Variants in CPA6 observed in about 807,000 individuals in gnomAD.
CPA6 encodes carboxypeptidase B.
In CPA6, 58 loss-of-function variants were observed where a neutral mutation model predicts 63.3. That is an observed-to-expected ratio of 0.92 (90% CI 0.74 to 1.14). The LOEUF (loss-of-function observed/expected upper bound fraction) is 1.14, where lower values mean the gene tolerates loss of function less well. Among genes scored for constraint, CPA6 ranks in the 50% most tolerant of loss-of-function variants. CPA6 has a pLI of 0.00. For missense variants in CPA6, 565 were observed against 526.6 expected (o/e 1.07, Z -0.71); for synonymous variants, 185 against 179.0 (o/e 1.03, Z -0.27).
At chr8:67,475,801 CTTT>C (rs1347045678) in intron 8 of CPA6, among the ~76,000 whole-genome samples, 1,121 of 57,608 alleles carry the variant, frequency 0.019, 36 homozygotes, top group Middle Eastern at 0.039. Flanking sequence ...TTCTTTCTTT[CTTT>C]CTTTCTTTCT....
chr8:67,619,293 T>G (rs1003537621), intron 2 of CPA6, among the ~76,000 whole-genome samples: 5 of 152,216 alleles, frequency 3.3e-5, no homozygotes, highest in African/African-American at 1.2e-4. Flanking sequence ...ACTGTGTGTG[T>G]GGGTTTTCTC....
chr8:67,435,416 G>T (rs1474352656), intron 8 of CPA6, among the ~76,000 whole-genome samples: 1 of 152,104 alleles, frequency 6.6e-6, no homozygotes, highest in African/African-American at 2.4e-5. Flanking sequence ...AAAGCCCACA[G>T]ATGTTGGGGG....
intron 1 of CPA6, among the ~76,000 whole-genome samples, chr8:67,729,408 A>G (rs998308455): frequency 2.6e-5 from 4 of 152,216 alleles, no homozygotes; most frequent in Non-Finnish European, 4.4e-5. Context: ...AAAAACTGTC[A>G]TATACTGGCA....
Position 67,422,545 on chromosome 8 carries a change from C to T in CPA6, c.1273G>A (p.Val425Met), listed in dbSNP as rs1388013902. The change falls in exon 11 of 11, where the codon GTG (valine) becomes ATG (methionine). Residue 425 changes from valine (V) to methionine (M), a missense_variant. Transcript: ENST00000297770. ...KPTCTETMLA[V>M]KNITMHLLKK... ...AGCAGGTGCATTGTGATATTTTTCA[C>T]AGCCAGCATAGTTTCTGTACAGGTG... is the stretch of plus-strand genomic sequence containing the variant. 2 of 1,613,936 alleles carry T rather than the reference C, an allele frequency of 1.2e-6. No homozygotes were observed. The highest frequency in any genetic ancestry group is 1.1e-5 in the South Asian group (1 of 91,074).
intron 2 of CPA6, among the ~76,000 whole-genome samples, chr8:67,595,257 G>T (rs1012881177): frequency 1.3e-5 from 2 of 152,206 alleles, no homozygotes; most frequent in Admixed American, 1.3e-4. Flanking sequence ...TCTCAGAGGA[G>T]TACCTGGCCG....
At chr8:67,666,632 C>A (rs2128993670) in intron 1 of CPA6, among the ~76,000 whole-genome samples, 1 of 152,276 alleles carries the variant, frequency 6.6e-6, no homozygotes, top group East Asian at 1.9e-4. Flanking sequence ...AGGAAAGCTC[C>A]AGGCAAGGTG....
intron 1 of CPA6, among the ~76,000 whole-genome samples, chr8:67,649,297 T>A (rs1387894363): frequency 6.6e-6 from 1 of 152,230 alleles, no homozygotes; most frequent in African/African-American, 2.4e-5. Flanking sequence ...TAATTAGGCA[T>A]ATCCAAATTA....
At chr8:67,480,133 C>T (rs1017166740) in intron 8 of CPA6, among the ~76,000 whole-genome samples, 1 of 152,092 alleles carries the variant, frequency 6.6e-6, no homozygotes, top group Non-Finnish European at 1.5e-5. Flanking sequence ...TATTATGTTT[C>T]AATAAGTGCC....
intron 8 of CPA6, among the ~76,000 whole-genome samples, chr8:67,476,140 T>C (rs1387143650): frequency 1.3e-5 from 2 of 151,566 alleles, no homozygotes; most frequent in African/African-American, 4.9e-5. Flanking sequence ...GTAGCTGGGA[T>C]TATAGACATG....
At chr8:67,711,941 T>A (rs1393045249) in intron 1 of CPA6, among the ~76,000 whole-genome samples, 1 of 152,074 alleles carries the variant, frequency 6.6e-6, no homozygotes, top group Non-Finnish European at 1.5e-5. Flanking sequence ...CATGTAATAC[T>A]TTGAGGTCCA....
chr8:67,654,972 C>G (rs1471488503), intron 1 of CPA6, among the ~76,000 whole-genome samples: 2 of 152,112 alleles, frequency 1.3e-5, no homozygotes, highest in African/African-American at 2.4e-5. Context: ...ATGTAAGACA[C>G]AGATAATGCT....
intron 2 of CPA6, among the ~76,000 whole-genome samples, chr8:67,602,711 GA>G (rs1814527644): frequency 6.6e-6 from 1 of 152,170 alleles, no homozygotes; most frequent in Admixed American, 6.5e-5. Context: ...GCTGAACTTG[GA>G]GAGTTGGAAT....
intron 1 of CPA6, among the ~76,000 whole-genome samples, chr8:67,672,803 A>G (rs1360755805): frequency 1.3e-5 from 2 of 152,220 alleles, no homozygotes; most frequent in South Asian, 2.1e-4. Context: ...AATGGATGAA[A>G]TGCCAAATCA....
At chr8:67,513,781 C>T (rs768791734) in intron 3 of CPA6, among the ~76,000 whole-genome samples, 26 of 152,112 alleles carry the variant, frequency 1.7e-4, no homozygotes, top group Non-Finnish European at 3.8e-4. Flanking sequence ...AGTCTCAGAA[C>T]GGTCTTTGTA....
chr8:67,532,358 A>G (rs1359602078), intron 2 of CPA6, among the ~76,000 whole-genome samples: 2 of 150,554 alleles, frequency 1.3e-5, no homozygotes, highest in East Asian at 3.9e-4. Context: ...AGAGAATACC[A>G]TAAATGACCT....
intron 1 of CPA6, among the ~76,000 whole-genome samples, chr8:67,632,708 T>C (rs1388587162): frequency 3.3e-5 from 5 of 152,196 alleles, no homozygotes; most frequent in African/African-American, 1.2e-4. Flanking sequence ...TTTTGAAGAA[T>C]GTTAAAAAAT....
Position 67,455,663 on chromosome 8 carries a change from C to CAAAAAAAAAAAAAAAAAA in CPA6, c.839-21441_839-21424dup, listed in dbSNP as rs552041509. Among the ~76,000 whole-genome samples, 6 of 30,252 alleles carry CAAAAAAAAAAAAAAAAAA rather than the reference C, an allele frequency of 2.0e-4. 1 individual carries two copies. Among genetic ancestry groups the CAAAAAAAAAAAAAAAAAA allele is most frequent in the African/African-American group, 6.2e-4 (4 of 6,408 alleles). The allele number at this position is 30,252 out of a possible 152,430, so 19.8% of individuals were successfully genotyped here. Reference sequence around the variant, plus strand: ...TAGTGAAGCCCCTTCTCTACAAAAGCAAAAAAAAAAAAAAAAAAAAAAAAA... The same window carrying CAAAAAAAAAAAAAAAAAA: ...TAGTGAAGCCCCTTCTCTACAAAAGCAAAAAAAAAAAAAAAAAAAAAAAAAAAAAAAAAAAAAAAAAAA... On this transcript the variant is annotated intron_variant, in intron 8 of 10. Transcript: ENST00000297770.
intron 1 of CPA6, among the ~76,000 whole-genome samples, chr8:67,678,225 TCTCACA>T (rs1321757351): frequency 0.021 from 3,032 of 143,022 alleles, 91 homozygotes; most frequent in African/African-American, 0.067. Context: ...TAAAACTCTG[TCTCACA>T]CACACACACA....
At chr8:67,502,205 T>A (rs1046895126) in intron 6 of CPA6, among the ~76,000 whole-genome samples, 12 of 152,208 alleles carry the variant, frequency 7.9e-5, no homozygotes, top group Non-Finnish European at 1.6e-4. Flanking sequence ...GGCTCATGCC[T>A]ATAATCCCAG....
Sources: allele counts gnomAD v4.1 joint callset (sites outside exome capture counted in the v4.1 genomes callset), GRCh38; gene constraint gnomAD v4.1.1; transcripts MANE v1.5; gene names NCBI Gene and HGNC (gene_info 2026-07-23, HGNC 2026-07-21).